The following PIEZO2 variants were observed in gnomAD, a reference collection of about 807,000 sequenced individuals.
PIEZO2 encodes piezo-type mechanosensitive ion channel component 2.
A neutral mutation model predicts 337.3 loss-of-function variants in PIEZO2; 172 were observed. The ratio of observed to expected loss-of-function variants is 0.51; its 90% CI spans 0.45 to 0.58. The LOEUF (loss-of-function observed/expected upper bound fraction) is 0.58, where lower values mean the gene tolerates loss of function less well. PIEZO2 is among the 20% of genes least tolerant of loss of function. The probability of loss-of-function intolerance (pLI) is 0.00; values close to 1 mark genes in which losing one functional copy is unlikely to be tolerated. For synonymous variants in PIEZO2, 1,251 were observed against 1,228.5 expected (o/e 1.02, Z -0.38); for missense variants, 3,028 against 3,391.3 (o/e 0.89, Z 2.66).
At position 10,899,969 on chromosome 18, in the gene PIEZO2, A is replaced by G. The variant is rs2043002715; in HGVS notation, c.329+11217T>C. On this transcript the variant is annotated intron_variant, in intron 4 of 55. Transcript: ENST00000674853. This position sits in a 1 kb window ranked among gnomAD's most constrained non-coding sequence, Gnocchi z 4.6. ...GGAAGATGGAGATTACAAATCAGAG[A>G]ATATTTTCTTCCAGCCATGTTTTGA... Among the ~76,000 whole-genome samples the G allele has an allele frequency of 6.6e-6, 1 of 152,200 alleles. No homozygotes were observed.
At chr18:10,695,470 G>C (rs546280737) in intron 47 of PIEZO2, among the ~76,000 whole-genome samples, 2 of 152,300 alleles carry the variant, frequency 1.3e-5, no homozygotes, top group East Asian at 3.9e-4. Context: ...CTGACCAGCA[G>C]CACTAGTTGT....
intron 3 of PIEZO2, among the ~76,000 whole-genome samples, chr18:10,958,187 AC>A (rs1233482424): frequency 6.6e-6 from 1 of 152,218 alleles, no homozygotes; most frequent in Non-Finnish European, 1.5e-5. Context: ...ACAATGGAAT[AC>A]TATACAGTCT....
chr18:10,756,816 T>G (rs2037878516), intron 27 of PIEZO2, among the ~76,000 whole-genome samples: 1 of 127,842 alleles, frequency 7.8e-6, no homozygotes, highest in Non-Finnish European at 1.6e-5. Flanking sequence ...GGAGGAGGAA[T>G]GGGGATAAGG....
At position 10,897,157 on chromosome 18, in the gene PIEZO2, C is replaced by G. The variant is rs145935953; in HGVS notation, c.329+14029G>C. ...TGGGCTTGGTTTCCTCCATATGGTT[C>G]TCATGGTAGTGAGTAAGTCTCAGGA... On this transcript the variant is annotated intron_variant, in intron 4 of 55. Transcript: ENST00000674853. Among the ~76,000 whole-genome samples the G allele has an allele frequency of 2.1e-3, 321 of 151,940 alleles. 1 individual carries two copies. The highest frequency in any genetic ancestry group is 7.4e-3 in the African/African-American group (307 of 41,462).
At chr18:11,060,991 G>A (rs757415729) in intron 2 of PIEZO2, among the ~76,000 whole-genome samples, 2 of 152,142 alleles carry the variant, frequency 1.3e-5, no homozygotes, top group African/African-American at 4.8e-5. Flanking sequence ...GATGAATATC[G>A]ATGCAAAAGT....
At chr18:10,782,053 A>C (rs1256498271) in intron 17 of PIEZO2, among the ~76,000 whole-genome samples, 1 of 150,034 alleles carries the variant, frequency 6.7e-6, no homozygotes, top group Non-Finnish European at 1.5e-5. Context: ...TACTCCCATG[A>C]GGAAGAGTTG....
rs1054535159 is a variant in PIEZO2 at position 11,146,001 on chromosome 18, ACT to A, written c.64+2522_64+2523del. Among the ~76,000 whole-genome samples, 2 of 152,060 alleles carry A rather than the reference ACT, an allele frequency of 1.3e-5. No individual in the cohort carries two copies. The highest frequency in any genetic ancestry group is 2.9e-5 in the Non-Finnish European group (2 of 67,998). ...ACCACTACCTTCTAACCCCCTACACACTCATACTCACACTCACACATACTCAT... is the reference window on the plus strand; with the variant it reads ...ACCACTACCTTCTAACCCCCTACACACATACTCACACTCACACATACTCAT... On this transcript the variant is annotated intron_variant, in intron 1 of 55. Coordinates refer to ENST00000674853, the MANE Select transcript of PIEZO2 (RefSeq NM_001378183.1). The surrounding 1 kb of genome is among the most constrained non-coding windows in gnomAD (Gnocchi z 6.1).
intron 41 of PIEZO2, 40 bp from the exon 42 acceptor site, chr18:10,704,692 T>C (rs1222866529): frequency 4.0e-6 from 6 of 1,516,614 alleles, no homozygotes; most frequent in Non-Finnish European, 5.3e-6. Context: ...CTATTTTTTT[T>C]CTTCTTTTTG....
intron 2 of PIEZO2, among the ~76,000 whole-genome samples, chr18:11,000,187 C>G (rs1171598011): frequency 6.6e-6 from 1 of 152,152 alleles, no homozygotes. Flanking sequence ...GTTCCTTCCA[C>G]CTTCATATAC....
In PIEZO2 at chr18:10,789,248, T is replaced by A. The variant is rs1209897737; in HGVS notation, c.2000A>T (p.Asp667Val). 1 of 1,537,214 alleles carries A rather than the reference T, an allele frequency of 6.5e-7. No homozygotes were observed. The highest frequency in any genetic ancestry group is 8.7e-7 in the Non-Finnish European group (1 of 1,146,932). The change falls in exon 15 of 56, where the codon GAT becomes GTT. Residue 667 changes from aspartate (D) to valine (V), a missense_variant. Physicochemically the swap from Asp to Val is radical, Grantham distance 152. Around this residue, in one of 5 missense-constraint regions of PIEZO2, gnomAD observed 1,925 missense variants for 2,051.9 expected, o/e 0.94. Coordinates refer to ENST00000674853, the MANE Select transcript of PIEZO2 (RefSeq NM_001378183.1). The stretch of plus-strand genomic sequence containing the variant: ...CAGGACTTTCATGATGTCCTGCTCA[T>A]CTTCTTCTTCAGCTTCCTCTTGCTC... ...KVEQEEAEEE[D>V]EQDIMKVLGN...
At position 11,018,336 on chromosome 18, in the gene PIEZO2, A is replaced by G. The variant is rs148497629; in HGVS notation, c.161-38676T>C. Among the ~76,000 whole-genome samples the G allele has an allele frequency of 3.6e-3, 531 of 148,504 alleles. 4 individuals are homozygous for G. Among genetic ancestry groups the G allele is most frequent in the African/African-American group, 8.5e-3 (338 of 39,872 alleles). On this transcript the variant is annotated intron_variant, in intron 2 of 55. Transcript: ENST00000674853. ...GCACCTGCAAAGACCATATTTCCAA[A>G]TAAGGTCACATTCTGAGATCCTGGG...
Position 11,003,391 on chromosome 18 carries a change from G to A in PIEZO2, c.161-23731C>T, listed in dbSNP as rs375813566. Among the ~76,000 whole-genome samples the A allele has an allele frequency of 1.1e-4, 17 of 152,262 alleles. No homozygotes were observed. The highest frequency in any genetic ancestry group is 2.1e-4 in the South Asian group (1 of 4,812). ...TAGCAAAAACAATTAAACCATAGTC[G>A]AGTTGATCTAAAGAAGAGTTAAATT... On this transcript the variant is annotated intron_variant, in intron 2 of 55. Coordinates refer to ENST00000674853, the MANE Select transcript of PIEZO2 (RefSeq NM_001378183.1). The surrounding 1 kb of genome is among the most constrained non-coding windows in gnomAD (Gnocchi z 4.6).
At chr18:10,729,286 C>G (rs2144047181) in intron 36 of PIEZO2, among the ~76,000 whole-genome samples, 1 of 151,918 alleles carries the variant, frequency 6.6e-6, no homozygotes, top group Non-Finnish European at 1.5e-5. Flanking sequence ...TTTTTAATGC[C>G]TTTTATATTT....
At chr18:10,843,042 G>A (rs2041243540) in intron 7 of PIEZO2, among the ~76,000 whole-genome samples, 2 of 152,168 alleles carry the variant, frequency 1.3e-5, no homozygotes, top group Admixed American at 1.3e-4. Context: ...GCAACATTCT[G>A]AACTTCAACA....
At chr18:10,946,101 T>C (rs138327913) in intron 3 of PIEZO2, among the ~76,000 whole-genome samples, 321 of 152,256 alleles carry the variant, frequency 2.1e-3, no homozygotes, top group Admixed American at 3.7e-3. Flanking sequence ...ACCATAAATG[T>C]ATAGATTCAA....
At chr18:10,999,594 A>T (rs1457974070) in intron 2 of PIEZO2, among the ~76,000 whole-genome samples, 1 of 152,146 alleles carries the variant, frequency 6.6e-6, no homozygotes, top group Non-Finnish European at 1.5e-5. Flanking sequence ...GTTATAAGCA[A>T]ATATTATGCC....
chr18:10,820,649 T>C (rs1264718265), intron 7 of PIEZO2, among the ~76,000 whole-genome samples: 2 of 152,226 alleles, frequency 1.3e-5, no homozygotes, highest in Non-Finnish European at 2.9e-5. Flanking sequence ...TTGCTTGAGT[T>C]TTCTCTTGCT....
intron 2 of PIEZO2, among the ~76,000 whole-genome samples, chr18:11,059,059 C>T (rs926982985): frequency 2.0e-5 from 3 of 152,300 alleles, no homozygotes; most frequent in East Asian, 3.9e-4. Flanking sequence ...GCTGATTTCT[C>T]GGCAGAAACT....
intron 37 of PIEZO2, among the ~76,000 whole-genome samples, chr18:10,717,854 T>A (rs542029700): frequency 2.0e-5 from 3 of 152,222 alleles, no homozygotes; most frequent in South Asian, 2.1e-4. Context: ...CTGTGTTTTT[T>A]AAAAATAATT....
Sources: allele counts gnomAD v4.1 joint callset (sites outside exome capture counted in the v4.1 genomes callset), GRCh38; gene constraint gnomAD v4.1.1; regional missense constraint gnomAD v4.1.1; non-coding constraint Gnocchi (gnomAD v3.1); transcripts MANE v1.5; gene names NCBI Gene and HGNC (gene_info 2026-07-23, HGNC 2026-07-21).